The following HDAC9 variants were observed in gnomAD, a reference collection of about 807,000 sequenced individuals.
The protein encoded by HDAC9 is MEF-2 interacting transcription repressor (MITR) protein.
A neutral mutation model predicts 139.4 loss-of-function variants in HDAC9; 41 were observed. The observed-to-expected ratio is 0.29, with a 90% CI of 0.23 to 0.38. The LOEUF (loss-of-function observed/expected upper bound fraction) is 0.38. HDAC9 is among the 10% of genes least tolerant of loss of function. The pLI is 1.00. For synonymous variants in HDAC9, 517 were observed against 476.2 expected, an observed-to-expected ratio of 1.09 and a Z score of -1.12; for missense variants, 1,147 against 1,297.0, an observed-to-expected ratio of 0.88 and a Z score of 1.78.
At chr7:18,308,302 T>C (rs1311641631) in intron 1 of HDAC9, among the ~76,000 whole-genome samples, 2 of 152,188 alleles carry the variant, frequency 1.3e-5, no homozygotes, top group African/African-American at 4.8e-5. Flanking sequence ...AGAAAATAAA[T>C]CACTGTTGTA....
At chr7:18,406,562 T>G (rs543540765) in intron 1 of HDAC9, among the ~76,000 whole-genome samples, 1 of 151,878 alleles carries the variant, frequency 6.6e-6, no homozygotes, top group African/African-American at 2.4e-5. Flanking sequence ...CCCGGCTAAT[T>G]TTTTGTATTT....
At chr7:18,905,072 G>T (rs1172955128) in intron 22 of HDAC9, among the ~76,000 whole-genome samples, 1 of 151,340 alleles carries the variant, frequency 6.6e-6, no homozygotes, top group Non-Finnish European at 1.5e-5. Context: ...CTAATTTTTG[G>T]TTTTTTAGCA....
At chr7:18,524,888 A>ACACACG (rs971740560) in intron 2 of HDAC9, among the ~76,000 whole-genome samples, 4 of 151,982 alleles carry the variant, frequency 2.6e-5, no homozygotes, top group Non-Finnish European at 5.9e-5. Flanking sequence ...ACACACACAC[A>ACACACG]CACACACACA....
At chr7:18,789,334 C>T (rs1345426210) in intron 16 of HDAC9, among the ~76,000 whole-genome samples, 3 of 150,156 alleles carry the variant, frequency 2.0e-5, no homozygotes, top group South Asian at 4.2e-4. Flanking sequence ...TCTCTTTCTC[C>T]CTTTCTCTCT....
chr7:18,819,916 T>G (rs1471493956), intron 17 of HDAC9, among the ~76,000 whole-genome samples: 1 of 152,200 alleles, frequency 6.6e-6, no homozygotes, highest in Non-Finnish European at 1.5e-5. Flanking sequence ...TGCTTGGTCT[T>G]TGTAACTTAA....
At chr7:18,106,979 G>T (rs1046563161) in intron 1 of HDAC9, among the ~76,000 whole-genome samples, 2 of 152,102 alleles carry the variant, frequency 1.3e-5, no homozygotes, top group African/African-American at 4.8e-5. Context: ...TACCACCTTT[G>T]CAATCAGAAA....
At chr7:18,093,905 T>C (rs555264402) in intron 1 of HDAC9, among the ~76,000 whole-genome samples, 2 of 152,294 alleles carry the variant, frequency 1.3e-5, no homozygotes, top group South Asian at 2.1e-4. Flanking sequence ...TCTAGTTCCA[T>C]TGATCAGAAT....
rs1053036168 is a variant in HDAC9, at chr7:18,323,048, G to A, written c.-42+32533G>A. On this transcript the variant is annotated intron_variant, in intron 1 of 3. Transcript: ENST00000413509. ...ATAATGTCAACCTCAAGGATGGTTGGCCCACTTCTGGAATGAATAGCATCA... is the reference window on the plus strand; with the variant it reads ...ATAATGTCAACCTCAAGGATGGTTGACCCACTTCTGGAATGAATAGCATCA... Among the ~76,000 whole-genome samples, 28 of 152,170 alleles carry A rather than the reference G, an allele frequency of 1.8e-4. No homozygotes were observed. The South Asian group carries it at 2.1e-3, about 11-fold the overall frequency.
intron 1 of HDAC9, among the ~76,000 whole-genome samples, chr7:18,328,250 G>A (rs929303776): frequency 1.3e-5 from 2 of 151,916 alleles, no homozygotes; most frequent in Middle Eastern, 3.2e-3. Context: ...ACGTGGAATT[G>A]CCTTTACTCG....
At chr7:18,800,085 T>C (rs1272086472) in intron 17 of HDAC9, among the ~76,000 whole-genome samples, 1 of 152,148 alleles carries the variant, frequency 6.6e-6, no homozygotes, top group African/African-American at 2.4e-5. Flanking sequence ...ATAAACTATG[T>C]AGGCCAGAAG....
At chr7:18,322,437 A>G (rs766271497) in intron 1 of HDAC9, among the ~76,000 whole-genome samples, 1 of 152,200 alleles carries the variant, frequency 6.6e-6, no homozygotes, top group Non-Finnish European at 1.5e-5. Context: ...CTCCAAGAGT[A>G]TAGTTAGATA....
chr7:18,770,787 A>G lies in HDAC9; in HGVS notation c.2214+3632A>G, dbSNP rs17139896. 1.0e-2 allele frequency among the ~76,000 whole-genome samples: 1,521 copies of G among 152,298 alleles called. 24 individuals carry two copies. Among genetic ancestry groups the G allele is most frequent in the African/African-American group, 0.035 (1,435 of 41,560 alleles). ...TATTATTTTTTGACATGGTTGTAAA[A>G]GTATAAAGGGGCTTATGGCATTTGT... On this transcript the variant is annotated intron_variant, in intron 16 of 25. Transcript: ENST00000686413.
At chr7:18,379,504 A>G (rs1348162853) in intron 1 of HDAC9, among the ~76,000 whole-genome samples, 3 of 152,234 alleles carry the variant, frequency 2.0e-5, no homozygotes, top group East Asian at 1.9e-4. Context: ...CTCCTGTCCT[A>G]TGAAAGAAAT....
At position 18,749,250 on chromosome 7, in the gene HDAC9, G is replaced by A. The variant is rs1788241134; in HGVS notation, c.2043+112G>A. On this transcript the variant is annotated intron_variant, in intron 14 of 25. Coordinates refer to ENST00000686413, the MANE Select transcript of HDAC9 (RefSeq NM_178425.4). ...ATTAACCATATAGTGCAAACACCATGATTGATGAACCATCATAGATTCAGG... is the reference window on the plus strand; with the variant it reads ...ATTAACCATATAGTGCAAACACCATAATTGATGAACCATCATAGATTCAGG... The A allele has an allele frequency of 5.4e-6, 6 of 1,105,888 alleles. No individual in the cohort carries two copies. The South Asian group carries it at 9.2e-5, about 17-fold the overall frequency. 68.5% of individuals were successfully genotyped at this position (1,105,888 alleles called of 1,614,324 possible). A position where few individuals can be genotyped will look rare whatever the true frequency, so the allele number is the denominator to read the frequency against.
At chr7:18,610,932 C>A (rs1298650037) in intron 6 of HDAC9, among the ~76,000 whole-genome samples, 1 of 152,092 alleles carries the variant, frequency 6.6e-6, no homozygotes, top group African/African-American at 2.4e-5. Flanking sequence ...TTTTGGGGGC[C>A]TCAACAGTGC....
At chr7:18,452,358 C>G (rs1243495581) in intron 1 of HDAC9, among the ~76,000 whole-genome samples, 1 of 152,086 alleles carries the variant, frequency 6.6e-6, no homozygotes, top group Non-Finnish European at 1.5e-5. Context: ...TCTGAGGAAA[C>G]AAGCAGAAAT....
At chr7:18,783,599 C>T (rs1791437181) in intron 16 of HDAC9, among the ~76,000 whole-genome samples, 1 of 151,970 alleles carries the variant, frequency 6.6e-6, no homozygotes, top group African/African-American at 2.4e-5. Flanking sequence ...CCTGAGAAAC[C>T]TCCTTGAATT....
chr7:18,514,840 C>T (rs534585313), intron 2 of HDAC9, among the ~76,000 whole-genome samples: 6 of 151,920 alleles, frequency 3.9e-5, no homozygotes, highest in East Asian at 1.9e-4. Flanking sequence ...CTAGCTACTC[C>T]GGAGGCTGAG....
chr7:18,374,045 C>T (rs751516976), intron 1 of HDAC9, among the ~76,000 whole-genome samples: 1 of 151,408 alleles, frequency 6.6e-6, no homozygotes, highest in Non-Finnish European at 1.5e-5. Flanking sequence ...GTTAAAATGT[C>T]ACTAGTTCCC....
Sources: gnomAD v4.1 joint callset for allele counts (sites outside exome capture counted in the v4.1 genomes callset) on GRCh38, gnomAD v4.1.1 for gene constraint, MANE v1.5 for transcripts, NCBI Gene and HGNC (gene_info 2026-07-23, HGNC 2026-07-21) for gene names.